Variants in DOCK8 observed in about 807,000 individuals in gnomAD.
DOCK8 encodes the protein dedicator of cytokinesis 8.
Under a neutral mutation model 245.6 loss-of-function variants are expected in DOCK8, and 141 were observed. That is an observed-to-expected ratio of 0.57 (90% CI 0.50 to 0.66). The LOEUF (loss-of-function observed/expected upper bound fraction) is 0.66. Among genes scored for constraint, DOCK8 ranks in the 30% least tolerant of loss-of-function variants. The pLI is 0.00. For missense variants in DOCK8, 2,965 were observed against 2,603.4 expected, an observed-to-expected ratio of 1.14 and a Z score of -3.02; for synonymous variants, 1,168 against 970.2, an observed-to-expected ratio of 1.20 and a Z score of -3.79.
intron 2 of DOCK8, among the ~76,000 whole-genome samples, chr9:282,222 G>A (rs1176126395): frequency 6.6e-6 from 1 of 152,084 alleles, no homozygotes; most frequent in East Asian, 1.9e-4. Flanking sequence ...ATCCCCAGTG[G>A]CCAACTCAGG....
chr9:422,275 C>G (rs2056308459), intron 33 of DOCK8, 140 bp downstream of exon 33: 2 of 782,472 alleles, frequency 2.6e-6, no homozygotes, highest in South Asian at 2.9e-5. Context: ...TACAATTCAT[C>G]CAGGGACCCA....
At chr9:216,355 C>G (rs554660107) in intron 1 of DOCK8, among the ~76,000 whole-genome samples, 1 of 151,826 alleles carries the variant, frequency 6.6e-6, no homozygotes, top group South Asian at 2.1e-4. Context: ...ATAGTGGGAC[C>G]CCTGTGGCTA....
At chr9:271,027 C>A (rs1245979582) in intron 1 of DOCK8, among the ~76,000 whole-genome samples, 1 of 152,108 alleles carries the variant, frequency 6.6e-6, no homozygotes, top group Non-Finnish European at 1.5e-5. Context: ...TGTATGGCTC[C>A]CTAAAGTGTT....
chr9:346,445 G>A (rs2051894366), intron 14 of DOCK8, among the ~76,000 whole-genome samples: 1 of 152,170 alleles, frequency 6.6e-6, no homozygotes, highest in African/African-American at 2.4e-5. Context: ...AGGCAATGAG[G>A]TTGTAATGAG....
intron 20 of DOCK8, among the ~76,000 whole-genome samples, chr9:378,267 G>A (rs10973100): frequency 0.16 from 24,103 of 152,142 alleles, 4,644 homozygotes; most frequent in African/African-American, 0.46. Context: ...CTTGAAGAAG[G>A]GATAGAGTGA....
rs1353112760 is a variant in DOCK8 at position 336,446 on chromosome 9, A to G, written c.1286-136A>G. The G allele has an allele frequency of 7.3e-6, 9 of 1,224,868 alleles. No individual in the cohort carries two copies. In the Middle Eastern group the frequency reaches 5.7e-4, roughly 78 times the overall value. The allele number at this position is 1,224,868 out of a possible 1,614,324, so 75.9% of individuals were successfully genotyped here. On this transcript the variant is annotated intron_variant, in intron 11 of 47. Coordinates refer to ENST00000432829, the MANE Select transcript of DOCK8 (RefSeq NM_203447.4). Reference sequence around the variant, plus strand: ...GAAAGGTAGGGGCCAATGGAAGGACATTTTCATTCAAAACAAGGATGGCCA... The same window carrying G: ...GAAAGGTAGGGGCCAATGGAAGGACGTTTTCATTCAAAACAAGGATGGCCA...
chr9:262,163 C>A (rs2047933916), intron 1 of DOCK8, among the ~76,000 whole-genome samples: 1 of 151,926 alleles, frequency 6.6e-6, no homozygotes, highest in South Asian at 2.1e-4. Context: ...TAGGGAAATG[C>A]AAATTAAAAA....
At chr9:260,452 G>C (rs908940508) in intron 1 of DOCK8, among the ~76,000 whole-genome samples, 2 of 152,226 alleles carry the variant, frequency 1.3e-5, no homozygotes, top group Non-Finnish European at 2.9e-5. Flanking sequence ...AGTAAATTCA[G>C]TAACTCCTTA....
intron 5 of DOCK8, among the ~76,000 whole-genome samples, chr9:304,941 CT>C (rs1261852773): frequency 1.8e-5 from 2 of 113,838 alleles, no homozygotes; most frequent in Non-Finnish European, 2.0e-5. Flanking sequence ...AAAGCTCTAA[CT>C]GGGGGACAGA....
At chr9:421,101 T>C in intron 32 of DOCK8, 23 bp downstream of exon 32, 1 of 1,613,618 alleles carries the variant, frequency 6.2e-7, no homozygotes, top group African/African-American at 1.3e-5. Flanking sequence ...GGCCCTTCCC[T>C]GCTCTCTGTC....
chr9:458,233 T>G (rs936034611), intron 46 of DOCK8: 2 of 152,208 alleles, frequency 1.3e-5, no homozygotes, highest in East Asian at 3.8e-4. Flanking sequence ...GTGTACCCAT[T>G]CTCGTGGTCA....
chr9:375,311 G>A (rs1025768272), intron 18 of DOCK8, among the ~76,000 whole-genome samples: 1 of 152,066 alleles, frequency 6.6e-6, no homozygotes, highest in Non-Finnish European at 1.5e-5. Flanking sequence ...CAATTTCAAT[G>A]GGAATTTAAG....
At chr9:254,507 C>T (rs772811449) in intron 1 of DOCK8, among the ~76,000 whole-genome samples, 2 of 152,072 alleles carry the variant, frequency 1.3e-5, no homozygotes, top group Non-Finnish European at 2.9e-5. Context: ...TTCTTTCCTC[C>T]TTTGTCTTTC....
intron 5 of DOCK8, among the ~76,000 whole-genome samples, chr9:310,793 TTTAAA>T (rs2050073865): frequency 6.6e-6 from 1 of 152,214 alleles, no homozygotes; most frequent in Admixed American, 6.5e-5. Flanking sequence ...AGATGTGCAC[TTTAAA>T]TTATTATCAG....
chr9:440,311 C>T lies in DOCK8; in HGVS notation c.5223+923C>T, dbSNP rs148247508. ...CTGGAACTACAGGTGTGAGCCACCA[C>T]GCCCAACTTGTTTTCATTTTAATAA... On this transcript the variant is annotated intron_variant, in intron 40 of 47. Coordinates refer to ENST00000432829, the MANE Select transcript of DOCK8 (RefSeq NM_203447.4). Among the ~76,000 whole-genome samples, 831 of 152,286 alleles carry T rather than the reference C, an allele frequency of 5.5e-3. 10 individuals carry two copies. Among genetic ancestry groups the T allele is most frequent in the East Asian group, 0.037 (191 of 5,180 alleles).
At chr9:417,218 G>C (rs2056063241) in intron 29 of DOCK8, among the ~76,000 whole-genome samples, 1 of 152,206 alleles carries the variant, frequency 6.6e-6, no homozygotes, top group East Asian at 1.9e-4. Flanking sequence ...GAGGGGCAGA[G>C]ATTGCAGTGA....
intron 24 of DOCK8, among the ~76,000 whole-genome samples, chr9:394,547 A>G (rs995815910): frequency 6.6e-6 from 1 of 152,246 alleles, no homozygotes; most frequent in Non-Finnish European, 1.5e-5. Context: ...ATGAACAACC[A>G]CTTTGGCATT....
In DOCK8 at chr9:323,120, A is replaced by G. The variant is rs141380282; in HGVS notation, c.828-2551A>G. 4.1e-3 allele frequency among the ~76,000 whole-genome samples: 621 copies of G among 151,718 alleles called. 5 individuals are homozygous for G. The highest frequency in any genetic ancestry group is 0.014 in the African/African-American group (590 of 41,348). ...AAAAAAAAAAAAAAGAAAGCCCCCA[A>G]TTAATGTGCAATTACCTAATAATAG... On this transcript the variant is annotated intron_variant, in intron 7 of 47. Coordinates refer to ENST00000432829, the MANE Select transcript of DOCK8 (RefSeq NM_203447.4).
chr9:266,267 T>C (rs1587689875), intron 1 of DOCK8, among the ~76,000 whole-genome samples: 1 of 152,158 alleles, frequency 6.6e-6, no homozygotes, highest in East Asian at 1.9e-4. Flanking sequence ...ATATTGTAAG[T>C]ATTAAATTAT....
Sources: gnomAD v4.1 joint callset for allele counts (sites outside exome capture counted in the v4.1 genomes callset) on GRCh38, gnomAD v4.1.1 for gene constraint, MANE v1.5 for transcripts, NCBI Gene and HGNC (gene_info 2026-07-23, HGNC 2026-07-21) for gene names.